The following ARHGAP10 variants were observed in gnomAD, a reference collection of about 807,000 sequenced individuals.
The protein encoded by ARHGAP10 is rho GTPase-activating protein 10.
Under a neutral mutation model 108.6 loss-of-function variants are expected in ARHGAP10, and 87 were observed. That is an observed-to-expected ratio of 0.80 (90% confidence interval 0.67 to 0.96). The LOEUF (loss-of-function observed/expected upper bound fraction) is 0.96, where lower values mean the gene tolerates loss of function less well. Ranked by LOEUF, ARHGAP10 falls within the 40% of genes least tolerant of loss-of-function variation. ARHGAP10 has a pLI of 0.00. For synonymous variants in ARHGAP10, 347 were observed against 341.1 expected (o/e 1.02, Z -0.19); for missense variants, 939 against 954.5 (o/e 0.98, Z 0.21).
At chr4:148,057,285 A>T (rs1729406963) in intron 20 of ARHGAP10, among the ~76,000 whole-genome samples, 1 of 152,178 alleles carries the variant, frequency 6.6e-6, no homozygotes, top group African/African-American at 2.4e-5. Flanking sequence ...ACAATCCTTC[A>T]ATGGCCCCTC....
chr4:148,033,373 T>C (rs1031833240), intron 19 of ARHGAP10, among the ~76,000 whole-genome samples: 6 of 152,352 alleles, frequency 3.9e-5, no homozygotes, highest in African/African-American at 1.4e-4. Flanking sequence ...TAATGTACAG[T>C]ATGCTTTTGA....
chr4:147,746,937 T>C (rs987793795), intron 1 of ARHGAP10, among the ~76,000 whole-genome samples: 2 of 152,204 alleles, frequency 1.3e-5, no homozygotes, highest in Admixed American at 1.3e-4. Context: ...TTGATATTAA[T>C]ACTACATGAC....
At chr4:147,736,379 C>G (rs1357003323) in intron 1 of ARHGAP10, among the ~76,000 whole-genome samples, 1 of 152,052 alleles carries the variant, frequency 6.6e-6, no homozygotes, top group East Asian at 1.9e-4. Context: ...GAGAAATATT[C>G]TTTTGGGGAA....
intron 18 of ARHGAP10, among the ~76,000 whole-genome samples, chr4:147,979,198 G>C (rs1739716721): frequency 6.6e-6 from 1 of 152,166 alleles, no homozygotes; most frequent in African/African-American, 2.4e-5. Context: ...TTACATTCAA[G>C]TCTTGACTCC....
intron 1 of ARHGAP10, among the ~76,000 whole-genome samples, chr4:147,804,826 T>G (rs1389065575): frequency 6.6e-6 from 1 of 152,210 alleles, no homozygotes; most frequent in Non-Finnish European, 1.5e-5. Flanking sequence ...TTAATGAGGT[T>G]GTTTTTTGCT....
chr4:147,848,071 C>T (rs1038289743), intron 4 of ARHGAP10, among the ~76,000 whole-genome samples: 3 of 146,206 alleles, frequency 2.1e-5, no homozygotes, highest in Non-Finnish European at 4.5e-5. Flanking sequence ...TTTTTTCCCC[C>T]CACGTGGCTG....
chr4:147,955,210 A>G, intron 15 of ARHGAP10, 106 bp from the exon 16 acceptor site: 1 of 1,076,574 alleles, frequency 9.3e-7, no homozygotes, highest in Non-Finnish European at 1.4e-6. Context: ...GAAGTTTTAC[A>G]CATTAATTAA....
At chr4:147,902,937 G>A (rs1233465178) in intron 10 of ARHGAP10, among the ~76,000 whole-genome samples, 2 of 151,816 alleles carry the variant, frequency 1.3e-5, no homozygotes, top group Non-Finnish European at 2.9e-5. Flanking sequence ...GGGTGTGTGG[G>A]GCAGGCTATA....
chr4:148,004,747 G>A (rs1222467221), intron 18 of ARHGAP10, among the ~76,000 whole-genome samples: 4 of 152,182 alleles, frequency 2.6e-5, no homozygotes, highest in East Asian at 1.9e-4. Flanking sequence ...CCAGTTCAGC[G>A]TCCAGAATAC....
At chr4:147,920,206 C>T (rs1451432842) in intron 13 of ARHGAP10, among the ~76,000 whole-genome samples, 2 of 151,634 alleles carry the variant, frequency 1.3e-5, no homozygotes, top group Non-Finnish European at 2.9e-5. Flanking sequence ...CACCTGAGGT[C>T]AGGAGTTTGA....
At chr4:147,880,611 C>T (rs1735282820) in intron 9 of ARHGAP10, among the ~76,000 whole-genome samples, 1 of 152,186 alleles carries the variant, frequency 6.6e-6, no homozygotes, top group Non-Finnish European at 1.5e-5. Flanking sequence ...TAGAGATCTT[C>T]ACGTTCTGGA....
At chr4:147,915,632 A>G (rs1242382642) in intron 13 of ARHGAP10, among the ~76,000 whole-genome samples, 1 of 152,214 alleles carries the variant, frequency 6.6e-6, no homozygotes, top group Non-Finnish European at 1.5e-5. Flanking sequence ...TAGATGTTGA[A>G]TAGGTCTACA....
At chr4:148,002,828 T>A (rs184622874) in intron 18 of ARHGAP10, among the ~76,000 whole-genome samples, 1 of 152,146 alleles carries the variant, frequency 6.6e-6, no homozygotes, top group Non-Finnish European at 1.5e-5. Context: ...GTCTTGCTAG[T>A]GGTCTATCAA....
At chr4:148,060,004 A>G (rs1247544998) in intron 20 of ARHGAP10, among the ~76,000 whole-genome samples, 2 of 127,648 alleles carry the variant, frequency 1.6e-5, no homozygotes, top group African/African-American at 2.9e-5. Flanking sequence ...GGGGAGAGAG[A>G]GGAGAGAGAG....
At chr4:147,930,449 TA>T (rs1737633084) in intron 13 of ARHGAP10, among the ~76,000 whole-genome samples, 1 of 152,218 alleles carries the variant, frequency 6.6e-6, no homozygotes, top group African/African-American at 2.4e-5. Flanking sequence ...CTATCGGGTA[TA>T]AAAACTGCCC....
chr4:147,839,650 T>G (rs778784014), intron 3 of ARHGAP10, among the ~76,000 whole-genome samples: 3 of 152,228 alleles, frequency 2.0e-5, no homozygotes, highest in Non-Finnish European at 4.4e-5. Flanking sequence ...ATTTATGACA[T>G]CAGAACTTAG....
At chr4:147,967,490 A>T (rs139020298) in intron 18 of ARHGAP10, among the ~76,000 whole-genome samples, 12 of 152,308 alleles carry the variant, frequency 7.9e-5, no homozygotes, top group African/African-American at 2.9e-4. Context: ...GGTGTGGTGG[A>T]TGGGGTTGAC....
intron 11 of ARHGAP10, among the ~76,000 whole-genome samples, chr4:147,907,716 T>G: frequency 6.6e-6 from 1 of 152,152 alleles, no homozygotes; most frequent in Non-Finnish European, 1.5e-5. Flanking sequence ...TAAATTAACA[T>G]AGTATAAAAA....
chr4:148,068,255 C>T (rs1050460482), intron 22 of ARHGAP10, among the ~76,000 whole-genome samples: 5 of 152,156 alleles, frequency 3.3e-5, no homozygotes, highest in East Asian at 1.9e-4. Context: ...GCAGCAGCAG[C>T]GGGACTGCTT....
Sources: allele counts gnomAD v4.1 joint callset (sites outside exome capture counted in the v4.1 genomes callset), GRCh38; gene constraint gnomAD v4.1.1; transcripts MANE v1.5; gene names NCBI Gene and HGNC (gene_info 2026-07-23, HGNC 2026-07-21).